Variants in TARBP1 observed in about 807,000 individuals in gnomAD.
TARBP1 encodes tRNA (guanosine(18)-2'-O)-methyltransferase TARBP1.
Under a neutral mutation model 178.6 loss-of-function variants are expected in TARBP1, and 144 were observed. That is an observed-to-expected ratio of 0.81 (90% CI 0.70 to 0.93). TARBP1 has a LOEUF of 0.93. Among genes scored for constraint, TARBP1 ranks in the 40% least tolerant of loss-of-function variants. TARBP1 has a pLI of 0.00. For missense variants in TARBP1, 2,067 were observed against 2,011.7 expected (o/e 1.03, Z -0.53); for synonymous variants, 787 against 781.0 (o/e 1.01, Z -0.13).
At chr1:234,472,650 A>T in intron 2 of TARBP1, 64 bp downstream of exon 2, 1 of 1,082,600 alleles carries the variant, frequency 9.2e-7, no homozygotes, top group Non-Finnish European at 1.3e-6. Context: ...GCTTTTAATG[A>T]ATGTTTTTAA....
chr1:234,463,192 T>C (rs971198595), intron 6 of TARBP1, among the ~76,000 whole-genome samples: 3 of 152,174 alleles, frequency 2.0e-5, no homozygotes, highest in South Asian at 2.1e-4. Context: ...GGCACAATCT[T>C]GGCTCACTGC....
chr1:234,437,350 C>A lies in TARBP1; in HGVS notation c.2157G>T (p.Gln719His). ...AQDDEVSTVLQNFFMSTTESI... is the reference protein window; with the variant it reads ...AQDDEVSTVLHNFFMSTTESI... ...TCTCTGTAGTAGACATGAAAAAGTT[C>A]TGAAGAACAGTAGACACCTCATCTG... is the stretch of plus-strand genomic sequence containing the variant. The change falls in exon 13 of 30, where the codon CAG becomes CAT. Residue 719 changes from glutamine to histidine, a missense_variant. By Grantham distance (24) the Gln-to-His change is conservative. Transcript: ENST00000040877. 1 of 1,588,504 alleles carries A rather than the reference C, an allele frequency of 6.3e-7. No individual in the cohort carries two copies. Among genetic ancestry groups the A allele is most frequent in the African/African-American group, 1.3e-5 (1 of 74,278 alleles).
intron 20 of TARBP1, among the ~76,000 whole-genome samples, chr1:234,425,463 T>C (rs553107301): frequency 6.6e-6 from 1 of 152,296 alleles, no homozygotes; most frequent in South Asian, 2.1e-4. Context: ...CAAGCAATTC[T>C]GCTGCCTCAG....
chr1:234,468,175 AGGCATGGT>A (rs1668646457), intron 3 of TARBP1, among the ~76,000 whole-genome samples: 3 of 151,958 alleles, frequency 2.0e-5, no homozygotes, highest in Admixed American at 1.3e-4. Context: ...TAAATGGGCC[AGGCATGGT>A]GGCTCATGCC....
chr1:234,419,214 T>C (rs1228377245), intron 21 of TARBP1, among the ~76,000 whole-genome samples: 5 of 152,002 alleles, frequency 3.3e-5, no homozygotes, highest in African/African-American at 1.2e-4. Flanking sequence ...AAAATAAAAG[T>C]AATATGTATT....
intron 6 of TARBP1, among the ~76,000 whole-genome samples, chr1:234,461,323 G>T (rs1469879122): frequency 7.0e-6 from 1 of 142,454 alleles, no homozygotes; most frequent in Non-Finnish European, 1.5e-5. Flanking sequence ...TGTTTGTTTT[G>T]AGACAGAGTC....
chr1:234,443,214 C>T (rs941341653), intron 12 of TARBP1, among the ~76,000 whole-genome samples: 6 of 150,642 alleles, frequency 4.0e-5, no homozygotes, highest in South Asian at 2.1e-4. Context: ...CACTTGAACC[C>T]GGGAGGCAAA....
At chr1:234,430,383 G>A (rs1664302671) in intron 14 of TARBP1, 82 bp from the exon 15 acceptor site, 1 of 1,275,144 alleles carries the variant, frequency 7.8e-7, no homozygotes, top group African/African-American at 1.5e-5. Flanking sequence ...TCTATGGAAA[G>A]CTCAAGCTCT....
Position 234,391,507 on chromosome 1 carries a change from G to T in TARBP1, c.*70C>A. On this transcript the variant is annotated 3_prime_UTR_variant, in exon 30 of 30. Transcript: ENST00000040877. ...ATTATCACAATAAATTTCAGAATCT[G>T]TTTCTTTAGTCCAAATAGTTTTTTT... 1 of 1,437,392 alleles carries T rather than the reference G, an allele frequency of 7.0e-7. No homozygotes were observed. The highest frequency in any genetic ancestry group is 9.3e-7 in the Non-Finnish European group (1 of 1,075,608). The allele number at this position is 1,437,392 out of a possible 1,614,324, so 89.0% of individuals were successfully genotyped here.
chr1:234,406,978 G>T (rs1360381220), intron 23 of TARBP1: 2 of 152,204 alleles, frequency 1.3e-5, no homozygotes, highest in Non-Finnish European at 2.9e-5. Flanking sequence ...AAAGGCATCA[G>T]CATGGCTGAT....
chr1:234,466,468 C>T (rs761879502), intron 4 of TARBP1, among the ~76,000 whole-genome samples: 10 of 151,944 alleles, frequency 6.6e-5, no homozygotes, highest in Admixed American at 2.0e-4. Flanking sequence ...GCTGAGATCA[C>T]GATACTGCAC....
At chr1:234,453,853 A>G (rs1175343102) in intron 9 of TARBP1, among the ~76,000 whole-genome samples, 2 of 152,176 alleles carry the variant, frequency 1.3e-5, no homozygotes, top group Non-Finnish European at 2.9e-5. Context: ...TGTATTACCA[A>G]CACTCAGCAC....
chr1:234,417,152 T>C (rs1558172794), intron 22 of TARBP1, among the ~76,000 whole-genome samples: 1 of 152,214 alleles, frequency 6.6e-6, no homozygotes, highest in Non-Finnish European at 1.5e-5. Flanking sequence ...GATAAAATCC[T>C]TGATGTATCA....
At position 234,429,450 on chromosome 1, in the gene TARBP1, G is replaced by A; in HGVS notation, c.2837C>T (p.Pro946Leu). 1 of 1,613,854 alleles carries A rather than the reference G, an allele frequency of 6.2e-7. No homozygotes were observed. The highest frequency in any genetic ancestry group is 8.5e-7 in the Non-Finnish European group (1 of 1,179,918). ...CAACACTTTCAAGCAATGGAACACTGGTAAAACTTGATCAGAAGAAAGAAC... is the reference window on the plus strand; with the variant it reads ...CAACACTTTCAAGCAATGGAACACTAGTAAAACTTGATCAGAAGAAAGAAC... ...LTVLSSDQVL[P>L]VFHCLKVLVP... Residue 946 changes from proline to leucine, a missense_variant, in exon 16 of 30, where the codon CCA becomes CTA. Pro to Leu is a moderately conservative substitution (Grantham distance 98). Coordinates refer to ENST00000040877, the MANE Select transcript of TARBP1 (RefSeq NM_005646.4).
chr1:234,470,394 T>G (rs1481862985), intron 3 of TARBP1, among the ~76,000 whole-genome samples: 1 of 152,150 alleles, frequency 6.6e-6, no homozygotes, highest in East Asian at 1.9e-4. Context: ...ATAGGATATC[T>G]AGGGATGTGC....
At chr1:234,442,477 T>C (rs1665693845) in intron 12 of TARBP1, among the ~76,000 whole-genome samples, 1 of 152,158 alleles carries the variant, frequency 6.6e-6, no homozygotes, top group South Asian at 2.1e-4. Flanking sequence ...AGGGGCTATA[T>C]TATATAGCCT....
At position 234,450,547 on chromosome 1, in the gene TARBP1, A is replaced by T; in HGVS notation, c.1742T>A (p.Val581Asp). The change falls in exon 10 of 30, where the codon GTT becomes GAT. Residue 581 changes from valine to aspartate, a missense_variant. Val to Asp is a radical substitution (Grantham distance 152). Coordinates refer to ENST00000040877, the MANE Select transcript of TARBP1 (RefSeq NM_005646.4). ...LWTELCDWLR[V>D]NESYFKPSPT... ...GGATGGCTTAAAATAGCTTTCATTA[A>T]CACGTAGCCAGTCACACAGCTGGAA... The T allele has an allele frequency of 6.2e-7, 1 of 1,608,526 alleles. No individual in the cohort carries two copies. Among genetic ancestry groups the T allele is most frequent in the Non-Finnish European group, 8.5e-7 (1 of 1,178,450 alleles).
At chr1:234,460,119 T>C in intron 7 of TARBP1, 142 bp downstream of exon 7, 1 of 904,324 alleles carries the variant, frequency 1.1e-6, no homozygotes, top group Non-Finnish European at 1.5e-6. Flanking sequence ...ATTTTTTTCT[T>C]ATGTAAAATT....
chr1:234,406,981 T>G (rs959089617), intron 23 of TARBP1: 2 of 152,274 alleles, frequency 1.3e-5, no homozygotes, highest in African/African-American at 4.8e-5. Context: ...GGCATCAGCA[T>G]GGCTGATAAC....
Sources: allele counts gnomAD v4.1 joint callset (sites outside exome capture counted in the v4.1 genomes callset), GRCh38; gene constraint gnomAD v4.1.1; transcripts MANE v1.5; gene names NCBI Gene and HGNC (gene_info 2026-07-23, HGNC 2026-07-21).